Variants in FGF13 observed in about 807,000 individuals in gnomAD.
FGF13 encodes the protein fibroblast growth factor homologous factor 2.
A neutral mutation model predicts 19.5 loss-of-function variants in FGF13; 2 were observed. The ratio of observed to expected loss-of-function variants is 0.10; its 90% CI spans 0.04 to 0.32. The LOEUF (loss-of-function observed/expected upper bound fraction) is 0.32. Ranked by LOEUF, FGF13 falls within the 10% of genes least tolerant of loss-of-function variation. The pLI is 1.00. For synonymous variants in FGF13, 72 were observed against 76.9 expected (o/e 0.94, Z 0.33); for missense variants, 113 against 192.7 (o/e 0.59, Z 2.45).
At chrX:138,781,711 C>G (rs2090644654) in intron 3 of FGF13, among the ~76,000 whole-genome samples, 1 of 111,713 alleles carries the variant, frequency 9.0e-6, no homozygotes, top group Non-Finnish European at 1.9e-5. Flanking sequence ...GGATTCACAG[C>G]TGAATTCTAC....
intron 1 of FGF13, among the ~76,000 whole-genome samples, chrX:139,066,929 C>T (rs2092358776): frequency 9.0e-6 from 1 of 111,359 alleles, no homozygotes; most frequent in African/African-American, 3.3e-5. Flanking sequence ...AAAGCTTATC[C>T]ATCACGATCA....
intron 3 of FGF13, among the ~76,000 whole-genome samples, chrX:138,803,779 T>C (rs1334414635): frequency 1.8e-5 from 2 of 112,285 alleles, no homozygotes; most frequent in African/African-American, 6.5e-5. Flanking sequence ...TAGCTGATAA[T>C]GTTTTGGCCC....
chrX:138,901,817 A>T (rs1203821408), intron 1 of FGF13, among the ~76,000 whole-genome samples: 3 of 112,264 alleles, frequency 2.7e-5, no homozygotes, highest in African/African-American at 9.7e-5. Context: ...AAAAGGATAC[A>T]CTGTAGTTTA....
intron 1 of FGF13, among the ~76,000 whole-genome samples, chrX:138,908,989 C>T (rs990033613): frequency 4.5e-5 from 5 of 111,864 alleles, no homozygotes; most frequent in Non-Finnish European, 7.5e-5. Flanking sequence ...GTATTATTAT[C>T]CCCATTTTAT....
chrX:138,970,559 C>G (rs1422926813), intron 1 of FGF13, among the ~76,000 whole-genome samples: 1 of 111,687 alleles, frequency 9.0e-6, no homozygotes, highest in Non-Finnish European at 1.9e-5. Context: ...ACCCAGAGCG[C>G]GTCAGGATGC....
chrX:138,678,252 G>A (rs1029426516), intron 3 of FGF13, among the ~76,000 whole-genome samples: 1 of 110,500 alleles, frequency 9.0e-6, no homozygotes, highest in South Asian at 4.0e-4. Context: ...AGCACTGGGA[G>A]ATATACCTAA....
intron 1 of FGF13, among the ~76,000 whole-genome samples, chrX:138,882,251 A>ACTTAGAT (rs2046922252): frequency 9.0e-6 from 1 of 110,885 alleles, no homozygotes; most frequent in South Asian, 3.8e-4. Flanking sequence ...ACTTTGGATG[A>ACTTAGAT]CTTAGATCTT....
chrX:139,059,723 G>A (rs959238167), intron 1 of FGF13, among the ~76,000 whole-genome samples: 1 of 112,322 alleles, frequency 8.9e-6, no homozygotes, highest in Admixed American at 9.4e-5. Flanking sequence ...AGAAGTATAT[G>A]GATGTGATTA....
chrX:138,894,089 A>G (rs759276424), intron 1 of FGF13, among the ~76,000 whole-genome samples: 65 of 111,049 alleles, frequency 5.9e-4, no homozygotes, highest in Non-Finnish European at 1.0e-3. Flanking sequence ...TTTTATCTGA[A>G]CTGCCAGGAG....
chrX:138,945,782 C>G (rs1455998746), intron 1 of FGF13, among the ~76,000 whole-genome samples: 1 of 111,656 alleles, frequency 9.0e-6, no homozygotes, highest in African/African-American at 3.3e-5. Flanking sequence ...CTGTAGGTTA[C>G]CCTCAGAGAA....
Position 138,622,062 on chromosome X carries a change from A to AG in FGF13, c.*10787_*10788insC, listed in dbSNP as rs1429291413. 9.0e-6 allele frequency: 1 copy of AG among 110,906 alleles called. No homozygotes were observed. The highest frequency in any genetic ancestry group is 3.3e-5 in the African/African-American group (1 of 30,501). The allele number at this position is 110,906 out of a possible 1,213,427, so 9.1% of individuals were successfully genotyped here. ...TCAATCCTTCTCAAATCTTCCAAAA[A>AG]AAAAAGAAGAGTGAGGAACACTTCT... On this transcript the variant is annotated 3_prime_UTR_variant, in exon 5 of 5. Coordinates refer to ENST00000315930, the MANE Select transcript of FGF13 (RefSeq NM_004114.5).
intron 1 of FGF13, among the ~76,000 whole-genome samples, chrX:139,201,214 G>A (rs752027552): frequency 8.9e-6 from 1 of 111,884 alleles, no homozygotes; most frequent in South Asian, 3.7e-4. Flanking sequence ...TAACCTCAGT[G>A]AGTTGAAGAA....
intron 1 of FGF13, among the ~76,000 whole-genome samples, chrX:139,112,180 A>G (rs1210246259): frequency 8.9e-6 from 1 of 111,912 alleles, no homozygotes; most frequent in Non-Finnish European, 1.9e-5. Flanking sequence ...TACTATGTAC[A>G]TGATCCTGGG....
In FGF13 at chrX:139,028,688, A is replaced by AGTGTGTGTGTGT. The variant is rs781223523; in HGVS notation, c.-112-164050_-112-164039dup. ...GAAAGAGAGAGTGTGTGTGAAAGAC[A>AGTGTGTGTGTGT]GTGTGTGTGTGTGTGTGTGTGAGAG... On this transcript the variant is annotated intron_variant, in intron 1 of 2. Coordinates refer to the FGF13 transcript ENST00000421460. 6.8e-4 allele frequency among the ~76,000 whole-genome samples: 55 copies of AGTGTGTGTGTGT among 80,688 alleles called. 2 individuals are homozygous for AGTGTGTGTGTGT. The East Asian group carries it at 0.017, about 24-fold the overall frequency. The allele number at this position is 80,688 out of a possible 115,157, so 70.1% of individuals were successfully genotyped here. A position where few individuals can be genotyped will look rare whatever the true frequency, so the allele number is the denominator to read the frequency against.
At chrX:138,986,766 C>A (rs2091996129) in intron 1 of FGF13, among the ~76,000 whole-genome samples, 1 of 111,424 alleles carries the variant, frequency 9.0e-6, no homozygotes, top group African/African-American at 3.3e-5. Context: ...ATAAAGCAAC[C>A]TGATTTTCCC....
intron 1 of FGF13, among the ~76,000 whole-genome samples, chrX:138,958,772 T>G (rs2091854521): frequency 8.9e-6 from 1 of 111,780 alleles, no homozygotes; most frequent in South Asian, 3.8e-4. Context: ...GTCCAGGAAT[T>G]TATCCATTTC....
intron 1 of FGF13, among the ~76,000 whole-genome samples, chrX:138,922,719 G>A (rs938096960): frequency 1.3e-4 from 14 of 111,772 alleles, no homozygotes; most frequent in Admixed American, 9.5e-4. Context: ...AAGCCCTGAT[G>A]GTTTTGCTTT....
intron 3 of FGF13, among the ~76,000 whole-genome samples, chrX:138,690,434 C>T (rs764798989): frequency 1.5e-4 from 17 of 110,499 alleles, no homozygotes; most frequent in Non-Finnish European, 2.8e-4. Flanking sequence ...TGTCATTGGC[C>T]AAACATGTGA....
intron 1 of FGF13, among the ~76,000 whole-genome samples, chrX:138,903,795 G>A (rs12116368): frequency 4.5e-5 from 5 of 111,796 alleles, no homozygotes; most frequent in African/African-American, 1.6e-4. Context: ...TATTTGCTCT[G>A]TTTATTTCAC....
Sources: allele counts gnomAD v4.1 joint callset (sites outside exome capture counted in the v4.1 genomes callset), GRCh38; gene constraint gnomAD v4.1.1; transcripts MANE v1.5; gene names NCBI Gene and HGNC (gene_info 2026-07-23, HGNC 2026-07-21).